Variants in WDR76 observed in about 807,000 individuals in gnomAD.
WDR76 encodes the protein WD repeat domain 76.
Under a neutral mutation model 70.2 loss-of-function variants are expected in WDR76, and 52 were observed. That is an observed-to-expected ratio of 0.74 (90% CI 0.59 to 0.93). The LOEUF (loss-of-function observed/expected upper bound fraction) is 0.93, where lower values mean the gene tolerates loss of function less well. Ranked by LOEUF, WDR76 falls within the 40% of genes least tolerant of loss-of-function variation. WDR76 has a pLI of 0.00. For missense variants in WDR76, 756 were observed against 760.2 expected, an observed-to-expected ratio of 0.99 and a Z score of 0.07; for synonymous variants, 292 against 271.1, an observed-to-expected ratio of 1.08 and a Z score of -0.76.
At chr15:43,842,376 C>A in intron 5 of WDR76, 39 bp from the exon 6 acceptor site, 1 of 1,583,752 alleles carries the variant, frequency 6.3e-7, no homozygotes, top group Non-Finnish European at 8.6e-7. Context: ...TATTCTAGGG[C>A]AGGGAGCCCA....
intron 9 of WDR76, among the ~76,000 whole-genome samples, chr15:43,853,914 A>C (rs1295101734): frequency 4.0e-5 from 6 of 151,654 alleles, no homozygotes; most frequent in Admixed American, 1.3e-4. Context: ...AAAAAAAAAA[A>C]ACAAAAAAAA....
chr15:43,859,232 C>T (rs112378761), intron 11 of WDR76, among the ~76,000 whole-genome samples: 2 of 152,172 alleles, frequency 1.3e-5, no homozygotes, highest in African/African-American at 4.8e-5. Context: ...AGAGCAAAAA[C>T]TGGGATTCTA....
chr15:43,840,221 C>A (rs1485127414), intron 5 of WDR76, among the ~76,000 whole-genome samples: 1 of 152,040 alleles, frequency 6.6e-6, no homozygotes, highest in Non-Finnish European at 1.5e-5. Context: ...TTCTGTATTT[C>A]TGCAGGACTT....
chr15:43,845,103 A>T (rs957359579), intron 8 of WDR76, among the ~76,000 whole-genome samples: 1 of 146,384 alleles, frequency 6.8e-6, no homozygotes, highest in Non-Finnish European at 1.5e-5. Context: ...CTGGGACTAC[A>T]GGCGCCTGCC....
At chr15:43,835,639 C>G (rs1471547984) in intron 3 of WDR76, among the ~76,000 whole-genome samples, 2 of 150,892 alleles carry the variant, frequency 1.3e-5, no homozygotes, top group Admixed American at 6.6e-5. Flanking sequence ...TCTGTTGATT[C>G]TAAGGCATTA....
chr15:43,834,563 C>T (rs1018169914), intron 2 of WDR76, among the ~76,000 whole-genome samples: 7 of 151,342 alleles, frequency 4.6e-5, no homozygotes, highest in Non-Finnish European at 1.0e-4. Flanking sequence ...CTGCCCACTT[C>T]GGCCTCCCAA....
At chr15:43,836,842 C>T (rs2087661830) in intron 4 of WDR76, among the ~76,000 whole-genome samples, 1 of 150,020 alleles carries the variant, frequency 6.7e-6, no homozygotes, top group South Asian at 2.1e-4. Flanking sequence ...ACTGGCCTGA[C>T]CAACATGGAG....
chr15:43,854,290 T>TA (rs1266531171), intron 9 of WDR76, among the ~76,000 whole-genome samples: 11 of 152,050 alleles, frequency 7.2e-5, no homozygotes, highest in Non-Finnish European at 1.5e-4. Flanking sequence ...AAAGAATAGG[T>TA]TGGGCATGGT....
chr15:43,857,008 T>A lies in WDR76; in HGVS notation c.1254T>A (p.Thr418=). The A allele has an allele frequency of 6.2e-7, 1 of 1,614,140 alleles. No individual in the cohort carries two copies. Among genetic ancestry groups the A allele is most frequent in the Non-Finnish European group, 8.5e-7 (1 of 1,180,006 alleles). Residue 418 remains threonine (T), a synonymous_variant, in exon 10 of 13, where the codon ACT becomes ACA. Coordinates refer to ENST00000263795, the MANE Select transcript of WDR76 (RefSeq NM_024908.4). ...SFDFLAEDAS[T]LIVGHWDGNM... Reference sequence around the variant, plus strand: ...ACTTCTTGGCAGAAGATGCCTCCACTTTAATAGTAGGACACTGGGATGGAA... The same window carrying A: ...ACTTCTTGGCAGAAGATGCCTCCACATTAATAGTAGGACACTGGGATGGAA...
At chr15:43,838,626 C>G (rs2087686463) in intron 4 of WDR76, among the ~76,000 whole-genome samples, 1 of 152,080 alleles carries the variant, frequency 6.6e-6, no homozygotes, top group Non-Finnish European at 1.5e-5. Flanking sequence ...CATATTTATG[C>G]TTTTAAATTT....
At chr15:43,836,084 A>G in intron 3 of WDR76, 77 bp from the exon 4 acceptor site, 4 of 1,325,946 alleles carry the variant, frequency 3.0e-6, no homozygotes, top group Non-Finnish European at 4.1e-6. Context: ...TAGTGTGGGT[A>G]TAGTAGCAGA....
intron 9 of WDR76, among the ~76,000 whole-genome samples, chr15:43,854,123 T>C (rs1231207600): frequency 6.6e-6 from 1 of 152,112 alleles, no homozygotes; most frequent in Non-Finnish European, 1.5e-5. Context: ...ATGGTAAAGT[T>C]GGTTGGGGAA....
At position 43,866,565 on chromosome 15, in the gene WDR76, G is replaced by A; in HGVS notation, c.*173G>A. 1.3e-6 allele frequency: 1 copy of A among 752,794 alleles called. No homozygotes were observed. Among genetic ancestry groups the A allele is most frequent in the Non-Finnish European group, 2.0e-6 (1 of 489,136 alleles). The allele number at this position is 752,794 out of a possible 1,614,324, so 46.6% of individuals were successfully genotyped here. A position where few individuals can be genotyped will look rare whatever the true frequency, so the allele number is the denominator to read the frequency against. On this transcript the variant is annotated 3_prime_UTR_variant, in exon 13 of 13. Coordinates refer to ENST00000263795, the MANE Select transcript of WDR76 (RefSeq NM_024908.4). ...CTTTTAGTAAGGGAGAAGTCTTGGAGGGTTGCTTCTGCAGGACGGGGAGGG... is the reference window on the plus strand; with the variant it reads ...CTTTTAGTAAGGGAGAAGTCTTGGAAGGTTGCTTCTGCAGGACGGGGAGGG...
At chr15:43,864,037 G>T (rs922606773) in intron 12 of WDR76, 2 of 152,028 alleles carry the variant, frequency 1.3e-5, no homozygotes, top group East Asian at 1.9e-4. Flanking sequence ...TATGAGTGAG[G>T]TCATGTGGTA....
At chr15:43,863,379 A>C (rs1425698754) in intron 12 of WDR76, among the ~76,000 whole-genome samples, 2 of 152,110 alleles carry the variant, frequency 1.3e-5, no homozygotes, top group African/African-American at 4.8e-5. Flanking sequence ...TGATGAGAAC[A>C]CTTAAAATCT....
chr15:43,836,693 G>A (rs2087660276), intron 4 of WDR76, among the ~76,000 whole-genome samples: 1 of 152,032 alleles, frequency 6.6e-6, no homozygotes, highest in Non-Finnish European at 1.5e-5. Context: ...CACTGCATGT[G>A]GTAGGTAATA....
chr15:43,827,174 C>T (rs1268223479), intron 1 of WDR76, 82 bp downstream of exon 1: 156 of 1,584,346 alleles, frequency 9.8e-5, no homozygotes, highest in Admixed American at 1.7e-5. Context: ...CCCAGGAGGT[C>T]GAGGGCACCT....
Position 43,867,585 on chromosome 15 carries a change from A to G in WDR76, c.*1193A>G, listed in dbSNP as rs1002562545. ...ATATATATATATATATTTTATTACT[A>G]TAGTACCATGGGTAATGGATAAAGA... On this transcript the variant is annotated 3_prime_UTR_variant, in exon 13 of 13. Transcript: ENST00000263795. The G allele has an allele frequency of 2.6e-5, 4 of 151,202 alleles. No individual in the cohort carries two copies. The highest frequency in any genetic ancestry group is 6.6e-5 in the Admixed American group (1 of 15,196). The allele number at this position is 151,202 out of a possible 1,614,324, so 9.4% of individuals were successfully genotyped here.
chr15:43,827,870 G>A, intron 1 of WDR76, 95 bp from the exon 2 acceptor site: 2 of 1,307,176 alleles, frequency 1.5e-6, no homozygotes, highest in Non-Finnish European at 2.0e-6. Context: ...ATTGTCTTTG[G>A]GAAATGGGAA....
Sources: gnomAD v4.1 joint callset for allele counts (sites outside exome capture counted in the v4.1 genomes callset) on GRCh38, gnomAD v4.1.1 for gene constraint, MANE v1.5 for transcripts, NCBI Gene and HGNC (gene_info 2026-07-23, HGNC 2026-07-21) for gene names.